Variants in DMBT1 observed in about 807,000 individuals in gnomAD.
DMBT1 encodes scavenger receptor cysteine-rich domain-containing protein DMBT1.
A neutral mutation model predicts 252.9 loss-of-function variants in DMBT1; 198 were observed. That is an observed-to-expected ratio of 0.78 (90% CI 0.70 to 0.88). DMBT1 has a LOEUF of 0.88. DMBT1 is among the 40% of genes least tolerant of loss of function. The pLI, the probability that DMBT1 is intolerant of heterozygous loss-of-function variation, is 0.00. For synonymous variants in DMBT1, 990 were observed against 942.7 expected (o/e 1.05, Z -0.92); for missense variants, 2,432 against 2,404.7 (o/e 1.01, Z -0.24).
Position 122,592,356 on chromosome 10 carries a change from G to A in DMBT1, c.2261G>A (p.Trp754Ter), listed in dbSNP as rs553819358. ...GTAGAGGTCCTATACCGAGGCTCCT[G>A]GGGCACCGTGTGTGATGACAGCTGG... ...GRVEVLYRGS[W>*]GTVCDDSWDT... Residue 754 changes from tryptophan to a stop codon, truncating the protein, a stop_gained, in exon 20 of 56, where the codon TGG (tryptophan) becomes TAG (stop). Coordinates refer to ENST00000338354, the MANE Select transcript of DMBT1 (RefSeq NM_001377530.1). LOFTEE classifies it high-confidence loss of function. 6.3e-7 allele frequency: 1 copy of A among 1,588,356 alleles called. No homozygotes were observed. Among genetic ancestry groups the A allele is most frequent in the Non-Finnish European group, 8.6e-7 (1 of 1,165,790 alleles).
rs374007159 is a variant in DMBT1 at position 122,585,293 on chromosome 10, A to G, written c.1443A>G (p.Leu481=). Residue 481 remains leucine (L), a synonymous_variant, in exon 15 of 56, where the codon TTA becomes TTG. Coordinates refer to ENST00000338354, the MANE Select transcript of DMBT1 (RefSeq NM_001377530.1). The part of the protein sequence containing the change: ...PSPDTLPTIT[L]PASTVGSESS... ...CAGACACGTTGCCGACCATCACCTT[A>G]CCTGCATCGACAGTAGGTAAATAAT... 1,209 of 1,585,578 alleles carry G rather than the reference A, an allele frequency of 7.6e-4. 14 individuals are homozygous for G. In the African/African-American group the frequency reaches 0.011, roughly 14 times the overall value.
chr10:122,564,989 T>C (rs766536938), intron 1 of DMBT1, among the ~76,000 whole-genome samples: 1 of 152,032 alleles, frequency 6.6e-6, no homozygotes, highest in African/African-American at 2.4e-5. Flanking sequence ...TTTAACTGCA[T>C]TCAATGAAAG....
chr10:122,587,329 A>T (rs538144440), intron 16 of DMBT1, among the ~76,000 whole-genome samples: 1 of 148,642 alleles, frequency 6.7e-6, no homozygotes, highest in African/African-American at 2.4e-5. Flanking sequence ...CGGAAACACA[A>T]GGCTGGGAGT....
chr10:122,618,522 C>T (rs2098024834), intron 41 of DMBT1, among the ~76,000 whole-genome samples, 182 bp downstream of exon 41: 1 of 152,314 alleles, frequency 6.6e-6, no homozygotes, highest in Middle Eastern at 3.4e-3. Context: ...GCAGCTGTGG[C>T]CACTTAGGCC....
At chr10:122,633,169 T>C (rs1183258554) in intron 51 of DMBT1, 22 bp from the exon 52 acceptor site, 2 of 1,613,130 alleles carry the variant, frequency 1.2e-6, no homozygotes, top group Non-Finnish European at 8.5e-7. Flanking sequence ...GTCACCGACA[T>C]TCCCACTTTT....
chr10:122,564,236 G>A (rs1234413245), intron 1 of DMBT1, among the ~76,000 whole-genome samples: 1 of 152,144 alleles, frequency 6.6e-6, no homozygotes, highest in African/African-American at 2.4e-5. Flanking sequence ...TCCTGTCACT[G>A]GCCTGTTGGT....
intron 55 of DMBT1, among the ~76,000 whole-genome samples, chr10:122,642,310 G>A (rs1844710113): frequency 6.6e-6 from 1 of 152,324 alleles, no homozygotes; most frequent in East Asian, 1.9e-4. Flanking sequence ...GAGCCAGACT[G>A]CCCTGGAGAC....
chr10:122,638,452 T>C (rs1437343961), intron 54 of DMBT1, among the ~76,000 whole-genome samples: 1 of 152,242 alleles, frequency 6.6e-6, no homozygotes, highest in Non-Finnish European at 1.5e-5. Flanking sequence ...ATTTTAATTT[T>C]TTAATGACAG....
chr10:122,570,872 C>T lies in DMBT1; in HGVS notation c.140-18C>T, dbSNP rs766830415. 2 of 1,612,660 alleles carry T rather than the reference C, an allele frequency of 1.2e-6. No individual in the cohort carries two copies. The highest frequency in any genetic ancestry group is 1.7e-5 in the Admixed American group (1 of 60,022). ...CAAGGGCTACCATCAATGAGCTCTT[C>T]CTTTCTCCACCCTGCAGGTTCTCCA... On this transcript the variant is annotated intron_variant, in intron 3 of 55. Coordinates refer to ENST00000338354, the MANE Select transcript of DMBT1 (RefSeq NM_001377530.1).
chr10:122,560,870 T>A (rs1309095322), intron 1 of DMBT1, 39 bp downstream of exon 1: 1 of 1,490,916 alleles, frequency 6.7e-7, no homozygotes, highest in East Asian at 2.5e-5. Context: ...ATTTCTCTCC[T>A]GCAGACCCAA....
chr10:122,570,851 G>A (rs1193304754), intron 3 of DMBT1, 39 bp from the exon 4 acceptor site: 1 of 1,605,502 alleles, frequency 6.2e-7, no homozygotes, highest in East Asian at 2.2e-5. Flanking sequence ...CCCAAACAAG[G>A]GCTACCATCA....
chr10:122,600,616 T>C (rs1165545324), intron 27 of DMBT1, among the ~76,000 whole-genome samples: 1 of 152,188 alleles, frequency 6.6e-6, no homozygotes, highest in African/African-American at 2.4e-5. Flanking sequence ...AGAAACCTGA[T>C]TCCTGATTGT....
chr10:122,597,984 G>T lies in DMBT1; in HGVS notation c.2928G>T (p.Pro976=), dbSNP rs371766750. ...CTGTTGCAATTACAGACACATTGCC[G>T]ACCATCACCTTGCCTGCATCGACAG... ...SWSTPSPDTL[P]TITLPASTVG... Residue 976 remains proline (P), a synonymous_variant, in exon 25 of 56, where the codon CCG becomes CCT. Coordinates refer to ENST00000338354, the MANE Select transcript of DMBT1 (RefSeq NM_001377530.1). The T allele has an allele frequency of 1.9e-6, 3 of 1,613,814 alleles. No homozygotes were observed. Among genetic ancestry groups the T allele is most frequent in the East Asian group, 4.5e-5 (2 of 44,868 alleles).
Position 122,643,507 on chromosome 10 carries a change from G to A in DMBT1, c.*109G>A. The A allele has an allele frequency of 1.4e-6, 2 of 1,409,140 alleles. No homozygotes were observed. The highest frequency in any genetic ancestry group is 9.5e-7 in the Non-Finnish European group (1 of 1,050,520). 87.3% of individuals were successfully genotyped at this position (1,409,140 alleles called of 1,614,324 possible). Reference sequence around the variant, plus strand: ...CAACTCAGATTGAGCCCTACATTGTGCTGCACCTGGTCATACGGAGTTGAA... The same window carrying A: ...CAACTCAGATTGAGCCCTACATTGTACTGCACCTGGTCATACGGAGTTGAA... On this transcript the variant is annotated 3_prime_UTR_variant, in exon 56 of 56. Coordinates refer to ENST00000338354, the MANE Select transcript of DMBT1 (RefSeq NM_001377530.1).
In DMBT1 at chr10:122,637,163, G is replaced by A. The variant is rs764126755; in HGVS notation, c.6793G>A (p.Val2265Met). The A allele has an allele frequency of 6.2e-7, 1 of 1,614,042 alleles. No homozygotes were observed. The highest frequency in any genetic ancestry group is 1.7e-5 in the Admixed American group (1 of 60,030). Residue 2265 changes from valine (V) to methionine (M), a missense_variant, in exon 54 of 56, where the codon GTG becomes ATG. Coordinates refer to ENST00000338354, the MANE Select transcript of DMBT1 (RefSeq NM_001377530.1). Reference sequence around the variant, plus strand: ...TCTGCCAAATCACATGCAAGCCAGTGTGAGCAGGAGCTATCTCCAATCCTT... The same window carrying A: ...TCTGCCAAATCACATGCAAGCCAGTATGAGCAGGAGCTATCTCCAATCCTT... The part of the protein sequence containing the change: ...LCLPNHMQAS[V>M]SRSYLQSLGF...
rs1478049663 is a variant in DMBT1 at position 122,617,112 on chromosome 10, G to A, written c.4859-116G>A. ...TGGGAAGACACATGGGAAGCAAGTG[G>A]CAGGAACAGGAAGTGGAATTGTTGC... is the stretch of plus-strand genomic sequence containing the variant. On this transcript the variant is annotated intron_variant, in intron 39 of 55. Transcript: ENST00000338354. 2.5e-6 allele frequency: 3 copies of A among 1,212,504 alleles called. No homozygotes were observed. The South Asian group carries it at 3.6e-5, about 15-fold the overall frequency. The allele number at this position is 1,212,504 out of a possible 1,614,324, so 75.1% of individuals were successfully genotyped here.
In DMBT1 at chr10:122,592,321, TC is replaced by T. The variant is rs1307786853; in HGVS notation, c.2227del (p.Gln743ArgfsTer4). On this transcript the variant is annotated frameshift_variant, in exon 20 of 56. Coordinates refer to ENST00000338354, the MANE Select transcript of DMBT1 (RefSeq NM_001377530.1). LOFTEE classifies it high-confidence loss of function. ...LRLVNGSDRC[Q>X]GRVEVLYRGS... ...GGCTGGTGAATGGAAGTGACAGGTG[TC>T]AGGGCCGAGTAGAGGTCCTATACCG... is the stretch of plus-strand genomic sequence containing the variant. 3.8e-6 allele frequency: 6 copies of T among 1,587,582 alleles called. 1 individual carries two copies. Among genetic ancestry groups the T allele is most frequent in the Non-Finnish European group, 3.4e-6 (4 of 1,165,618 alleles).
chr10:122,578,596 A>C (rs1202217891), intron 8 of DMBT1, 122 bp from the exon 9 acceptor site: 1 of 811,554 alleles, frequency 1.2e-6, no homozygotes, highest in Non-Finnish European at 2.1e-6. Context: ...CATGGGGAGC[A>C]AGTGGCCAGA....
intron 5 of DMBT1, 52 bp from the exon 6 acceptor site, chr10:122,573,663 C>T (rs1591199636): frequency 6.2e-7 from 1 of 1,607,188 alleles, no homozygotes; most frequent in East Asian, 2.2e-5. Context: ...TGGACCAACC[C>T]TCCCCAAGCG....
Sources: gnomAD v4.1 joint callset for allele counts (sites outside exome capture counted in the v4.1 genomes callset) on GRCh38, gnomAD v4.1.1 for gene constraint, MANE v1.5 for transcripts, NCBI Gene and HGNC (gene_info 2026-07-23, HGNC 2026-07-21) for gene names.